The following ANO10 variants were observed in gnomAD, a reference collection of about 807,000 sequenced individuals.
The protein encoded by ANO10 is anoctamin 10.
A neutral mutation model predicts 74.7 loss-of-function variants in ANO10; 77 were observed. The ratio of observed to expected loss-of-function variants is 1.03; its 90% CI spans 0.86 to 1.25. The LOEUF (loss-of-function observed/expected upper bound fraction) is 1.25, where lower values mean the gene tolerates loss of function less well. ANO10 is among the 50% of genes most tolerant of loss of function. The pLI, the probability that ANO10 is intolerant of heterozygous loss-of-function variation, is 0.00. For missense variants in ANO10, 721 were observed against 778.1 expected (o/e 0.93, Z 0.87); for synonymous variants, 279 against 284.9 (o/e 0.98, Z 0.21).
At chr3:43,446,281 G>A (rs2093244977) in intron 11 of ANO10, among the ~76,000 whole-genome samples, 1 of 152,154 alleles carries the variant, frequency 6.6e-6, no homozygotes. Flanking sequence ...AAGCTTCTCA[G>A]GTTTTGCTTT....
chr3:43,608,772 G>T (rs577994129), intron 1 of ANO10, among the ~76,000 whole-genome samples: 7 of 152,076 alleles, frequency 4.6e-5, no homozygotes, highest in African/African-American at 1.7e-4. Context: ...GTAGAGATGG[G>T]GTCTCCCTAT....
chr3:43,652,592 C>T (rs1042274823), intron 1 of ANO10, among the ~76,000 whole-genome samples: 1 of 151,836 alleles, frequency 6.6e-6, no homozygotes, highest in Admixed American at 6.6e-5. Flanking sequence ...TGTATAACTC[C>T]ATAAATAAAA....
chr3:43,470,622 TTATTTATG>T (rs1165060352), intron 11 of ANO10, among the ~76,000 whole-genome samples: 2,206 of 148,682 alleles, frequency 0.015, 142 homozygotes, highest in Admixed American at 0.1. Context: ...ATTTATTTAT[TTATTTATG>T]TATTTATTTA....
In ANO10 at chr3:43,600,433, G is replaced by A. The variant is rs1330518430; in HGVS notation, c.288C>T (p.Thr96=). Residue 96 remains threonine, a synonymous_variant, in exon 3 of 13, where the codon ACC becomes ACT. Coordinates refer to ENST00000292246, the MANE Select transcript of ANO10 (RefSeq NM_018075.5). ...VGLVKECNDN[T]MRAFTYRTRQ... is the part of the protein sequence containing the mutation. ...TGGTTCTGTATGTGAAGGCTCTCAT[G>A]GTGTTATCATTGCACTCTTTTACCA... 1 of 1,614,082 alleles carries A rather than the reference G, an allele frequency of 6.2e-7. No individual in the cohort carries two copies.
rs1415978516 is a variant in ANO10, at chr3:43,580,372, A to C, written c.573T>G (p.Ala191=). The C allele has an allele frequency of 6.2e-7, 1 of 1,613,920 alleles. No homozygotes were observed. Among genetic ancestry groups the C allele is most frequent in the African/African-American group, 1.3e-5 (1 of 74,914 alleles). The part of the protein sequence containing the change: ...KLEDTWYTRF[A]LKYQPIDSIR... ...ACATACCTATGGGCTGATACTTCAAAGCAAACCGAGTGTACCAGGTGTCCT... is the reference window on the plus strand; with the variant it reads ...ACATACCTATGGGCTGATACTTCAACGCAAACCGAGTGTACCAGGTGTCCT... The change falls in exon 5 of 13, where the codon GCT becomes GCG. Residue 191 remains alanine, a synonymous_variant. Coordinates refer to ENST00000292246, the MANE Select transcript of ANO10 (RefSeq NM_018075.5).
At chr3:43,502,421 C>T (rs79119139) in intron 11 of ANO10, among the ~76,000 whole-genome samples, 6,155 of 152,108 alleles carry the variant, frequency 0.04, 384 homozygotes, top group African/African-American at 0.14. Context: ...AGCTGGTTGT[C>T]AGAAAGAGCC....
intron 11 of ANO10, among the ~76,000 whole-genome samples, chr3:43,486,570 T>C (rs1049875136): frequency 1.0e-4 from 15 of 147,296 alleles, no homozygotes; most frequent in African/African-American, 1.7e-4. Flanking sequence ...TTTGAAGCAA[T>C]TGTGAATGGG....
At chr3:43,515,354 TTCTC>T (rs1434019652) in intron 11 of ANO10, among the ~76,000 whole-genome samples, 1 of 152,172 alleles carries the variant, frequency 6.6e-6, no homozygotes, top group African/African-American at 2.4e-5. Flanking sequence ...TAAGAAAGAA[TTCTC>T]TCTACCTGTC....
upstream of ANO10, among the ~76,000 whole-genome samples, chr3:43,625,821 T>C (rs1458145231): frequency 2.0e-5 from 3 of 152,244 alleles, no homozygotes; most frequent in Admixed American, 6.5e-5. Flanking sequence ...TTTTTGTTTA[T>C]TGGCCGTGAA....
At chr3:43,532,102 A>G (rs2078496305) in intron 11 of ANO10, among the ~76,000 whole-genome samples, 1 of 152,218 alleles carries the variant, frequency 6.6e-6, no homozygotes, top group Admixed American at 6.5e-5. Flanking sequence ...CTGAATCACA[A>G]GCAGCTAGGA....
chr3:43,622,264 G>A (rs1255337331), upstream of ANO10, among the ~76,000 whole-genome samples: 2 of 152,178 alleles, frequency 1.3e-5, no homozygotes, highest in Non-Finnish European at 2.9e-5. Flanking sequence ...ACCAGGCCGG[G>A]AGAAAGGGAG....
chr3:43,689,924 T>C (rs547912168), intron 1 of ANO10, among the ~76,000 whole-genome samples: 2 of 152,278 alleles, frequency 1.3e-5, no homozygotes, highest in African/African-American at 4.8e-5. Flanking sequence ...CAAACATAAA[T>C]GGATGAGTAG....
chr3:43,561,311 C>T lies in ANO10; in HGVS notation c.1385G>A (p.Arg462Gln), dbSNP rs3772165. 1,009,188 of 1,613,842 alleles carry T rather than the reference C, an allele frequency of 0.63. 319,572 individuals are homozygous for T. Among genetic ancestry groups the T allele is most frequent in the East Asian group, 0.9 (40,194 of 44,864 alleles). The change falls in exon 9 of 13, where the codon CGG becomes CAG. Residue 462 changes from arginine to glutamine, a missense_variant. By Grantham distance (43) the Arg-to-Gln change is conservative. Coordinates refer to ENST00000292246, the MANE Select transcript of ANO10 (RefSeq NM_018075.5). ...PYWLQRKHGV[R>Q]VKRKVQALKA... is the part of the protein sequence containing the mutation. ...TAAAGCCTGCACCTTCCTCTTCACC[C>T]GCACACCATGCTTCCTTTGGAGCCA...
intron 1 of ANO10, among the ~76,000 whole-genome samples, chr3:43,677,652 C>T (rs1204620304): frequency 6.6e-6 from 1 of 152,166 alleles, no homozygotes; most frequent in African/African-American, 2.4e-5. Context: ...CACTCAGCTG[C>T]ATTCAGGTGG....
At position 43,366,939 on chromosome 3, in the gene ANO10, TTCC is replaced by T. The variant is rs1400948065; in HGVS notation, c.1947_1949del (p.Glu650del). 6.2e-6 allele frequency: 10 copies of T among 1,601,340 alleles called. No individual in the cohort carries two copies. In the East Asian group the frequency reaches 2.2e-4, roughly 36 times the overall value. On this transcript the variant is annotated inframe_deletion, in exon 13 of 13. Coordinates refer to ENST00000292246, the MANE Select transcript of ANO10 (RefSeq NM_018075.5). ...CCTTCTCCTTCCCGCTTTCCATTGG[TTCC>T]TCCTTCAGGTTCTCGGTCACGAGCT... is the stretch of plus-strand genomic sequence containing the variant.
At chr3:43,676,901 A>G (rs1239076144) in intron 1 of ANO10, among the ~76,000 whole-genome samples, 1 of 152,114 alleles carries the variant, frequency 6.6e-6, no homozygotes, top group African/African-American at 2.4e-5. Context: ...GTCAAGGCAC[A>G]CATCAGCCTG....
intron 11 of ANO10, among the ~76,000 whole-genome samples, chr3:43,468,888 T>G (rs192309957): frequency 4.7e-4 from 71 of 151,634 alleles, no homozygotes; most frequent in African/African-American, 1.6e-3. Context: ...GTTTTTGTAC[T>G]TTTAGTAGAG....
chr3:43,463,257 G>A (rs1028593754), intron 11 of ANO10, among the ~76,000 whole-genome samples: 2 of 152,342 alleles, frequency 1.3e-5, no homozygotes, highest in African/African-American at 4.8e-5. Flanking sequence ...AAAGCAGCCA[G>A]GAGGGAGGCT....
intron 1 of ANO10, among the ~76,000 whole-genome samples, chr3:43,616,902 C>T (rs979435262): frequency 6.6e-6 from 1 of 151,920 alleles, no homozygotes; most frequent in Admixed American, 6.6e-5. Flanking sequence ...GGGATCCCCT[C>T]TCTTTGGGTT....
Sources: allele counts gnomAD v4.1 joint callset (sites outside exome capture counted in the v4.1 genomes callset), GRCh38; gene constraint gnomAD v4.1.1; transcripts MANE v1.5; gene names NCBI Gene and HGNC (gene_info 2026-07-23, HGNC 2026-07-21).